OR10J1: variants seen among roughly 807,000 people sequenced by gnomAD.
OR10J1 encodes the protein olfactory receptor family 10 subfamily J member 1.
For missense variants in OR10J1, 474 were observed against 376.6 expected (o/e 1.26, Z -2.14); for synonymous variants, 202 against 143.8 (o/e 1.40, Z -2.89).
chr1:159,418,091 T>C, the OR10J1 span, among the ~76,000 whole-genome samples: 6 of 152,168 alleles, frequency 3.9e-5, no homozygotes, highest in African/African-American at 1.4e-4. Context: ...GTTAAAAGCA[T>C]TTAGTTTTAA....
At chr1:159,420,880 C>A in the OR10J1 span, among the ~76,000 whole-genome samples, 3 of 152,044 alleles carry the variant, frequency 2.0e-5, no homozygotes, top group African/African-American at 7.2e-5. Context: ...GCCATGGAGA[C>A]CTTCTTAAAT....
At chr1:159,430,668 T>TGTGTGTGTGTGTGCGC in the OR10J1 span, among the ~76,000 whole-genome samples, 114 of 69,700 alleles carry the variant, frequency 1.6e-3, 1 homozygote, top group African/African-American at 2.6e-3. Flanking sequence ...TGTGTGTGTG[T>TGTGTGTGTGTGTGCGC]GCGCGCGCGC....
chr1:159,400,603 T>G, the OR10J1 span, among the ~76,000 whole-genome samples: 1 of 150,472 alleles, frequency 6.6e-6, no homozygotes, highest in Non-Finnish European at 1.5e-5. Flanking sequence ...GTACCCAATA[T>G]ATAAAAGATA....
At chr1:159,414,140 G>T in the OR10J1 span, among the ~76,000 whole-genome samples, 3 of 151,942 alleles carry the variant, frequency 2.0e-5, no homozygotes, top group Non-Finnish European at 4.4e-5. Flanking sequence ...TTTACAATAC[G>T]TTGTTACTAG....
chr1:159,412,250 A>T, the OR10J1 span, among the ~76,000 whole-genome samples: 2 of 151,674 alleles, frequency 1.3e-5, no homozygotes, highest in African/African-American at 4.8e-5. Context: ...ATCGTGAAAA[A>T]GGCCATACTG....
chr1:159,425,540 G>A, the OR10J1 span, among the ~76,000 whole-genome samples: 1 of 151,960 alleles, frequency 6.6e-6, no homozygotes, highest in African/African-American at 2.4e-5. Flanking sequence ...TTTGAGAATT[G>A]ATTCAAGATA....
Position 159,440,933 on chromosome 1 carries a change from G to A in OR10J1, c.*212G>A. The A allele has an allele frequency of 2.0e-6, 1 of 508,568 alleles. No individual in the cohort carries two copies. Among genetic ancestry groups the A allele is most frequent in the South Asian group, 4.0e-5 (1 of 24,942 alleles). The allele number at this position is 508,568 out of a possible 1,614,324, so 31.5% of individuals were successfully genotyped here. A position where few individuals can be genotyped will look rare whatever the true frequency, so the allele number is the denominator to read the frequency against. Reference sequence around the variant, plus strand: ...TTTTTGGGGATAAATAGACAAACAAGGATAAGATATGCCTAAATAAAAGGC... The same window carrying A: ...TTTTTGGGGATAAATAGACAAACAAAGATAAGATATGCCTAAATAAAAGGC... On this transcript the variant is annotated 3_prime_UTR_variant, in exon 1 of 1. Coordinates refer to ENST00000423932, the MANE Select transcript of OR10J1 (RefSeq NM_012351.3).
the OR10J1 span, among the ~76,000 whole-genome samples, chr1:159,428,149 T>G: frequency 6.6e-6 from 1 of 152,126 alleles, no homozygotes; most frequent in Non-Finnish European, 1.5e-5. Context: ...CTATAAGTGT[T>G]AGTATTGAAT....
chr1:159,413,020 G>T, the OR10J1 span, among the ~76,000 whole-genome samples: 3 of 152,092 alleles, frequency 2.0e-5, no homozygotes, highest in African/African-American at 7.2e-5. Context: ...ATCAAAAAGT[G>T]GGCAAAGGAC....
upstream of OR10J1, among the ~76,000 whole-genome samples, chr1:159,435,167 C>CG (rs1252796449): frequency 3.3e-5 from 5 of 152,130 alleles, no homozygotes; most frequent in Non-Finnish European, 7.4e-5. Context: ...GATTTCACTC[C>CG]GAGTGTTCTT....
At chr1:159,399,570 CAAAAAAAAAAAAAAA>C in the OR10J1 span, among the ~76,000 whole-genome samples, 121 of 56,130 alleles carry the variant, frequency 2.2e-3, no homozygotes, top group African/African-American at 8.7e-3. Flanking sequence ...GATTCTGTCT[CAAAAAAAAAAAAAAA>C]AAAAAAAAAG....
chr1:159,425,271 G>C, the OR10J1 span, among the ~76,000 whole-genome samples: 2 of 152,132 alleles, frequency 1.3e-5, no homozygotes, highest in Non-Finnish European at 2.9e-5. Context: ...ACTAACACAG[G>C]TGAGAGACAA....
chr1:159,433,614 C>T (rs1655651858), upstream of OR10J1, among the ~76,000 whole-genome samples: 1 of 152,172 alleles, frequency 6.6e-6, no homozygotes, highest in African/African-American at 2.4e-5. Context: ...TTAGATCAGG[C>T]TGAAGTTATG....
chr1:159,434,206 C>T (rs985484937), upstream of OR10J1, among the ~76,000 whole-genome samples: 12 of 152,124 alleles, frequency 7.9e-5, no homozygotes, highest in Admixed American at 7.2e-4. Flanking sequence ...TAAACACGTG[C>T]AACCCAGCCC....
At chr1:159,416,972 T>C in the OR10J1 span, among the ~76,000 whole-genome samples, 1 of 152,168 alleles carries the variant, frequency 6.6e-6, no homozygotes, top group Middle Eastern at 3.4e-3. Flanking sequence ...TTCTCTCTTT[T>C]TCTCTTGGTT....
the OR10J1 span, among the ~76,000 whole-genome samples, chr1:159,431,634 G>A: frequency 2.0e-5 from 3 of 152,108 alleles, no homozygotes; most frequent in South Asian, 2.1e-4. Context: ...ACATACAGTC[G>A]CTGACTTTAT....
At chr1:159,433,274 T>C (rs949314721), upstream of OR10J1, 4 of 396,308 alleles carry the variant, frequency 1.0e-5, no homozygotes, top group African/African-American at 4.1e-5. Context: ...ATTCCCCTCA[T>C]AGATTGAAAA....
At chr1:159,399,962 A>T in the OR10J1 span, among the ~76,000 whole-genome samples, 5 of 152,282 alleles carry the variant, frequency 3.3e-5, no homozygotes, top group East Asian at 9.7e-4. Context: ...AAGTTAAAAT[A>T]ATGGATTATA....
At chr1:159,405,875 G>T in the OR10J1 span, 4 of 682,760 alleles carry the variant, frequency 5.9e-6, no homozygotes, top group Admixed American at 4.3e-5. Context: ...TCACAAAAGG[G>T]CAGGCCAAAC....
Sources: gnomAD v4.1 joint callset for allele counts (sites outside exome capture counted in the v4.1 genomes callset) on GRCh38, gnomAD v4.1.1 for gene constraint, MANE v1.5 for transcripts, NCBI Gene and HGNC (gene_info 2026-07-23, HGNC 2026-07-21) for gene names.